The following URB1 variants were observed in gnomAD, a reference collection of about 807,000 sequenced individuals.
URB1 encodes the protein URB1 ribosome biogenesis factor, also known as nucleolar pre-ribosomal-associated protein 1.
Under a neutral mutation model 242.3 loss-of-function variants are expected in URB1, and 197 were observed. The observed-to-expected ratio is 0.81, with a 90% confidence interval of 0.72 to 0.91. URB1 has a LOEUF of 0.91. URB1 is among the 40% of genes least tolerant of loss of function. URB1 has a pLI of 0.00. For missense variants in URB1, 2,721 were observed against 2,860.5 expected, an observed-to-expected ratio of 0.95 and a Z score of 1.11; for synonymous variants, 1,153 against 1,201.8, an observed-to-expected ratio of 0.96 and a Z score of 0.84.
At chr21:32,337,687 ATTTTC>A (rs2123566228) in intron 26 of URB1, among the ~76,000 whole-genome samples, 173 bp from the exon 27 acceptor site, 1 of 149,762 alleles carries the variant, frequency 6.7e-6, no homozygotes, top group African/African-American at 2.5e-5. Context: ...TGTTATTATT[ATTTTC>A]TTTTCTTTTT....
intron 16 of URB1, 99 bp downstream of exon 16, chr21:32,355,350 G>A (rs2033206884): frequency 9.5e-7 from 1 of 1,048,066 alleles, no homozygotes; most frequent in Non-Finnish European, 1.4e-6. Context: ...AGGACGAGAA[G>A]CCTTTTGGTG....
intron 17 of URB1, 96 bp downstream of exon 17, chr21:32,354,763 T>C: frequency 6.9e-7 from 1 of 1,445,224 alleles, no homozygotes; most frequent in South Asian, 1.5e-5. Context: ...GCACTTGGCC[T>C]AGGGCATTAG....
chr21:32,386,082 GA>G (rs1466715601), intron 1 of URB1, among the ~76,000 whole-genome samples: 1 of 151,270 alleles, frequency 6.6e-6, no homozygotes, highest in African/African-American at 2.4e-5. Flanking sequence ...TCAGGAGGCA[GA>G]GGTTACAGTG....
chr21:32,314,935 C>T lies in URB1; in HGVS notation c.6799G>A (p.Ala2267Thr), dbSNP rs1375451707. The T allele has an allele frequency of 1.1e-5, 17 of 1,550,864 alleles. No individual in the cohort carries two copies. Among genetic ancestry groups the T allele is most frequent in the Admixed American group, 2.0e-5 (1 of 50,908 alleles). ...IVVLCKDAAS[A>T]ASDA ...GGCAGGAGTCAAGCATCTGAGGCTG[C>T]GCTGGCGGCGTCCTTGCAGAGCACC... The change falls in exon 39 of 39, where the codon GCA becomes ACA. Residue 2267 changes from alanine to threonine, a missense_variant. Physicochemically the swap from Ala to Thr is moderately conservative, Grantham distance 58. Coordinates refer to ENST00000382751, the MANE Select transcript of URB1 (RefSeq NM_014825.3).
Position 32,338,791 on chromosome 21 carries a change from A to C in URB1, c.4426T>G (p.Tyr1476Asp). Residue 1476 changes from tyrosine (Y) to aspartate (D), a missense_variant, in exon 26 of 39, where the codon TAC becomes GAC. By Grantham distance (160) the Tyr-to-Asp change is radical. Coordinates refer to ENST00000382751, the MANE Select transcript of URB1 (RefSeq NM_014825.3). ...AGCGAGTGCTGCATGAGCATCACGT[A>C]GACCACCGGGAGCTGGATGAGCTTC... Reference protein sequence around the residue: ...RTKLIQLPVVYVMLMQHSLFL... With the variant: ...RTKLIQLPVVDVMLMQHSLFL... 1 of 1,551,700 alleles carries C rather than the reference A, an allele frequency of 6.4e-7. No homozygotes were observed. Among genetic ancestry groups the C allele is most frequent in the Non-Finnish European group, 8.7e-7 (1 of 1,146,990 alleles).
rs1463343385 is a variant in URB1 at position 32,378,530 on chromosome 21, G to A, written c.579C>T (p.Asp193=). ...CAAACTGAACGTAGGCCTGCCGAAC[G>A]TCGTACACTCCCTAGAGGACAAAGG... ...VTKRDSKGVY[D]VRQAYVQFAL... Residue 193 remains aspartate, a synonymous_variant, in exon 5 of 39, where the codon GAC becomes GAT. Coordinates refer to ENST00000382751, the MANE Select transcript of URB1 (RefSeq NM_014825.3). 13 of 1,551,478 alleles carry A rather than the reference G, an allele frequency of 8.4e-6. No individual in the cohort carries two copies. Among genetic ancestry groups the A allele is most frequent in the Middle Eastern group, 1.7e-4 (1 of 6,014 alleles).
chr21:32,379,010 G>A (rs2033491909), intron 4 of URB1, among the ~76,000 whole-genome samples: 1 of 152,210 alleles, frequency 6.6e-6, no homozygotes, highest in Non-Finnish European at 1.5e-5. Context: ...TGGTTTTTAT[G>A]AGATATTATA....
chr21:32,326,058 A>G (rs981165375), intron 30 of URB1, among the ~76,000 whole-genome samples: 4 of 152,106 alleles, frequency 2.6e-5, no homozygotes, highest in African/African-American at 9.7e-5. Flanking sequence ...AGAGGAGAAG[A>G]CTCACAGAGA....
rs1287553133 is a variant in URB1, at chr21:32,344,887, G to C, written c.4071-131C>G. 2.7e-6 allele frequency: 3 copies of C among 1,113,634 alleles called. No homozygotes were observed. The East Asian group carries it at 7.9e-5, about 29-fold the overall frequency. The allele number at this position is 1,113,634 out of a possible 1,614,324, so 69.0% of individuals were successfully genotyped here. A position where few individuals can be genotyped will look rare whatever the true frequency, so the allele number is the denominator to read the frequency against. ...TGCTCCCCACACTACCCACTCACAG[G>C]AATCACAGGCTTCCCTGGACTCTTA... On this transcript the variant is annotated intron_variant, in intron 23 of 38. Coordinates refer to ENST00000382751, the MANE Select transcript of URB1 (RefSeq NM_014825.3).
chr21:32,357,954 A>T (rs1024258173), intron 14 of URB1, among the ~76,000 whole-genome samples: 32 of 152,206 alleles, frequency 2.1e-4, no homozygotes, highest in African/African-American at 7.5e-4. Flanking sequence ...ACTTGAACCC[A>T]GGAGGCAGAT....
At position 32,340,830 on chromosome 21, in the gene URB1, T is replaced by C. The variant is rs141360466; in HGVS notation, c.4316+636A>G. ...GAGAGATGTGATGTAAAGGGGAGAA[T>C]AGGGAGAACAGCCTAGACATTTGTC... is the stretch of plus-strand genomic sequence containing the variant. On this transcript the variant is annotated intron_variant, in intron 25 of 38. Transcript: ENST00000382751. Among the ~76,000 whole-genome samples the C allele has an allele frequency of 6.0e-3, 904 of 151,540 alleles. 7 individuals are homozygous for C. Among genetic ancestry groups the C allele is most frequent in the Non-Finnish European group, 9.2e-3 (622 of 67,828 alleles).
At chr21:32,369,726 T>C (rs2033386230) in intron 8 of URB1, among the ~76,000 whole-genome samples, 1 of 152,192 alleles carries the variant, frequency 6.6e-6, no homozygotes, top group Non-Finnish European at 1.5e-5. Context: ...CACGAGGTCT[T>C]TGCATGGACC....
Position 32,322,063 on chromosome 21 carries a change from C to G in URB1, c.5341-119G>C, listed in dbSNP as rs116751874. 4,483 of 1,160,358 alleles carry G rather than the reference C, an allele frequency of 3.9e-3. 134 individuals carry two copies. The African/African-American group carries it at 0.06, about 15-fold the overall frequency. 71.9% of individuals were successfully genotyped at this position (1,160,358 alleles called of 1,614,324 possible). A position where few individuals can be genotyped will look rare whatever the true frequency, so the allele number is the denominator to read the frequency against. ...AGTTGTAACACAGCAGCCCTGACCT[C>G]CATGTCTGATTATGAAAAATCCCTG... On this transcript the variant is annotated intron_variant, in intron 33 of 38. Coordinates refer to ENST00000382751, the MANE Select transcript of URB1 (RefSeq NM_014825.3).
intron 5 of URB1, among the ~76,000 whole-genome samples, chr21:32,378,035 T>A (rs933709652): frequency 3.3e-5 from 5 of 152,232 alleles, no homozygotes; most frequent in African/African-American, 1.2e-4. Context: ...GATGTTCTCG[T>A]AACACAGGTC....
chr21:32,350,440 G>C (rs1214431625), intron 20 of URB1, among the ~76,000 whole-genome samples: 1 of 152,206 alleles, frequency 6.6e-6, no homozygotes, highest in Non-Finnish European at 1.5e-5. Context: ...GGCCCGGCAG[G>C]GCTGCCAACC....
rs965359931 is a variant in URB1 at position 32,312,167 on chromosome 21, C to T, written c.*2751G>A. On this transcript the variant is annotated 3_prime_UTR_variant, in exon 39 of 39. Transcript: ENST00000382751. ...CCTTTGACAAAGATTGCAGTGGCCC[C>T]TCGAGTGCAGAGGTCATCCCAGGTG... The T allele has an allele frequency of 2.6e-5, 39 of 1,517,566 alleles. No homozygotes were observed. Among genetic ancestry groups the T allele is most frequent in the Non-Finnish European group, 3.2e-5 (36 of 1,137,030 alleles). The allele number at this position is 1,517,566 out of a possible 1,614,324, so 94.0% of individuals were successfully genotyped here.
chr21:32,378,700 A>G (rs368767921), intron 4 of URB1, among the ~76,000 whole-genome samples, 159 bp from the exon 5 acceptor site: 9 of 152,154 alleles, frequency 5.9e-5, no homozygotes, highest in African/African-American at 2.2e-4. Context: ...ACCAATGCTC[A>G]TTCTCCATGG....
rs189036928 is a variant in URB1 at position 32,353,956 on chromosome 21, A to G, written c.2393T>C (p.Leu798Pro). Residue 798 changes from leucine (L) to proline (P), a missense_variant, in exon 18 of 39, where the codon CTC (leucine) becomes CCC (proline). Physicochemically the swap from Leu to Pro is moderately conservative, Grantham distance 98. Coordinates refer to ENST00000382751, the MANE Select transcript of URB1 (RefSeq NM_014825.3). ...ACCTGCTTCATTGCCTGTCCCAAGG[A>G]GCAACTTATTCCTGGCTTCCAGGGC... is the stretch of plus-strand genomic sequence containing the variant. ...PAALEARNKLLLGTGNEAAEN... is the reference protein window; with the variant it reads ...PAALEARNKLPLGTGNEAAEN... 21,456 of 1,551,736 alleles carry G rather than the reference A, an allele frequency of 0.014. 177 individuals are homozygous for G. Among genetic ancestry groups the G allele is most frequent in the Middle Eastern group, 0.016 (94 of 5,992 alleles).
At chr21:32,319,167 C>A (rs2032730397) in intron 36 of URB1, 50 bp downstream of exon 36, 1 of 1,512,332 alleles carries the variant, frequency 6.6e-7, no homozygotes, top group Non-Finnish European at 8.8e-7. Flanking sequence ...GGCAGACCAA[C>A]ACAGCATCCA....
Sources: allele counts gnomAD v4.1 joint callset (sites outside exome capture counted in the v4.1 genomes callset), GRCh38; gene constraint gnomAD v4.1.1; transcripts MANE v1.5; gene names NCBI Gene and HGNC (gene_info 2026-07-23, HGNC 2026-07-21).